NFKBIB: variants seen among roughly 807,000 people sequenced by gnomAD.
The protein encoded by NFKBIB is NF-kappa-B inhibitor beta.
NFKBIB carries 16 observed loss-of-function variants against 32.1 expected under a neutral mutation model. That is an observed-to-expected ratio of 0.50 (90% CI 0.34 to 0.76). The LOEUF (loss-of-function observed/expected upper bound fraction) is 0.76. NFKBIB is among the 30% of genes least tolerant of loss of function. The pLI is 0.01. For synonymous variants in NFKBIB, 222 were observed against 219.5 expected, an observed-to-expected ratio of 1.01 and a Z score of -0.10; for missense variants, 437 against 514.9, an observed-to-expected ratio of 0.85 and a Z score of 1.46.
In NFKBIB at chr19:38,905,053, T is replaced by C; in HGVS notation, c.218T>C (p.Phe73Ser). ...HLAVIHQHEPFLDFLLGFSAG... is the reference protein window; with the variant it reads ...HLAVIHQHEPSLDFLLGFSAG... Reference sequence around the variant, plus strand: ...GCTGTGATTCATCAGCATGAACCCTTCCTGGATTTTCTTCTAGGCTTCTCG... The same window carrying C: ...GCTGTGATTCATCAGCATGAACCCTCCCTGGATTTTCTTCTAGGCTTCTCG... The change falls in exon 2 of 6, where the codon TTC (phenylalanine) becomes TCC (serine). Residue 73 changes from phenylalanine (F) to serine (S), a missense_variant. Physicochemically the swap from Phe to Ser is radical, Grantham distance 155. Coordinates refer to ENST00000313582, the MANE Select transcript of NFKBIB (RefSeq NM_002503.5). The surrounding 1 kb of genome is among the most constrained non-coding windows in gnomAD (Gnocchi z 5.5). The C allele has an allele frequency of 6.2e-7, 1 of 1,614,110 alleles. No individual in the cohort carries two copies. The highest frequency in any genetic ancestry group is 1.7e-5 in the Admixed American group (1 of 60,010).
chr19:38,900,012 G>T lies in NFKBIB; in HGVS notation c.-21G>T, dbSNP rs1419972207. ...AGCTACAGGCGGGCGACTGCGGGGG[G>T]CCCCTGAGGCGGCGGGGGCCATGGC... On this transcript the variant is annotated 5_prime_UTR_variant, in exon 1 of 6. Coordinates refer to ENST00000313582, the MANE Select transcript of NFKBIB (RefSeq NM_002503.5). 9.7e-6 allele frequency: 14 copies of T among 1,448,084 alleles called. No individual in the cohort carries two copies. The highest frequency in any genetic ancestry group is 1.2e-5 in the Non-Finnish European group (13 of 1,103,592). The allele number at this position is 1,448,084 out of a possible 1,614,324, so 89.7% of individuals were successfully genotyped here. A position where few individuals can be genotyped will look rare whatever the true frequency, so the allele number is the denominator to read the frequency against.
intron 5 of NFKBIB, chr19:38,908,263 A>G (rs1023612937): frequency 8.7e-5 from 86 of 992,324 alleles, no homozygotes; most frequent in Non-Finnish European, 1.0e-4. Flanking sequence ...AGTTCTGGCC[A>G]GGTGCGGTGG....
chr19:38,900,041 G>A lies in NFKBIB; in HGVS notation c.9G>A (p.Gly3=), dbSNP rs1437795802. The A allele has an allele frequency of 2.0e-6, 3 of 1,483,722 alleles. No individual in the cohort carries two copies. The highest frequency in any genetic ancestry group is 2.7e-6 in the Non-Finnish European group (3 of 1,118,800). 91.9% of individuals were successfully genotyped at this position (1,483,722 alleles called of 1,614,324 possible). A position where few individuals can be genotyped will look rare whatever the true frequency, so the allele number is the denominator to read the frequency against. The change falls in exon 1 of 6, where the codon GGG becomes GGA. Residue 3 remains glycine, a synonymous_variant. Transcript: ENST00000313582. The part of the protein sequence containing the change: MA[G]VACLGKAADA... The stretch of plus-strand genomic sequence containing the variant: ...CTGAGGCGGCGGGGGCCATGGCTGG[G>A]GTCGCGTGCTTGGGAAAAGCTGCCG...
intron 1 of NFKBIB, among the ~76,000 whole-genome samples, chr19:38,900,804 C>T (rs1274751184): frequency 6.6e-6 from 1 of 152,184 alleles, no homozygotes; most frequent in Non-Finnish European, 1.5e-5. Context: ...TTCCAGGCTC[C>T]GTTTAGGTGC....
At chr19:38,899,737 T>G, upstream of NFKBIB, 1 of 752,090 alleles carries the variant, frequency 1.3e-6, no homozygotes, top group Non-Finnish European at 2.2e-6. Context: ...GCGCCCCAGT[T>G]AGGTAAGAAA....
At chr19:38,907,030 T>TGCTCAGAAA (rs1974148441) in intron 3 of NFKBIB, among the ~76,000 whole-genome samples, 191 bp from the exon 4 acceptor site, 1 of 152,198 alleles carries the variant, frequency 6.6e-6, no homozygotes, top group Non-Finnish European at 1.5e-5. Context: ...GCACTAGCAC[T>TGCTCAGAAA]TGCCAGCAAG....
chr19:38,901,086 T>G (rs1973942383), intron 1 of NFKBIB, among the ~76,000 whole-genome samples: 1 of 152,188 alleles, frequency 6.6e-6, no homozygotes, highest in African/African-American at 2.4e-5. Context: ...GAGAAGGAAC[T>G]GCAGTTGCAA....
chr19:38,908,743 G>C lies in NFKBIB; in HGVS notation c.982G>C (p.Asp328His). 2 of 1,613,272 alleles carry C rather than the reference G, an allele frequency of 1.2e-6. No homozygotes were observed. Among genetic ancestry groups the C allele is most frequent in the Non-Finnish European group, 1.7e-6 (2 of 1,179,742 alleles). ...DSGDEGDEYDDIVVHSSRSQT... is the reference protein window; with the variant it reads ...DSGDEGDEYDHIVVHSSRSQT... Reference sequence around the variant, plus strand: ...CCTTTGCCCCCAGGATGAATACGACGACATTGTGGTTCACAGCAGCCGCAG... The same window carrying C: ...CCTTTGCCCCCAGGATGAATACGACCACATTGTGGTTCACAGCAGCCGCAG... The change falls in exon 6 of 6, where the codon GAC (aspartate) becomes CAC (histidine). Residue 328 changes from aspartate to histidine, a missense_variant. By Grantham distance (81) the Asp-to-His change is moderately conservative (BLOSUM62 -1). Transcript: ENST00000313582.
At chr19:38,908,299 G>C (rs1974211735) in intron 5 of NFKBIB, 1 of 982,282 alleles carries the variant, frequency 1.0e-6, no homozygotes, top group Non-Finnish European at 1.2e-6. Context: ...CCAGCACTTT[G>C]GGAGGCCGAG....
chr19:38,900,907 A>G (rs4803006), intron 1 of NFKBIB, among the ~76,000 whole-genome samples: 93,437 of 151,974 alleles, frequency 0.61, 29,519 homozygotes, highest in East Asian at 0.96. Flanking sequence ...TGATAAGACC[A>G]CAAGGAAGGA....
intron 1 of NFKBIB, among the ~76,000 whole-genome samples, chr19:38,904,209 G>A (rs1365889522): frequency 6.6e-6 from 1 of 152,170 alleles, no homozygotes; most frequent in Non-Finnish European, 1.5e-5. Flanking sequence ...GGTGGGTGTT[G>A]AGCAGTGCCC....
chr19:38,908,554 A>G (rs890791298), intron 5 of NFKBIB, 177 bp from the exon 6 acceptor site: 23 of 1,314,942 alleles, frequency 1.7e-5, no homozygotes, highest in South Asian at 1.6e-4. Flanking sequence ...AAAAAAAAAA[A>G]AAAAGAAAGA....
Position 38,908,730 on chromosome 19 carries a change from G to C in NFKBIB, c.970-1G>C, listed in dbSNP as rs761635530. ...CTCTGCCTGGTCCCCTTTGCCCCCA[G>C]GATGAATACGACGACATTGTGGTTC... On this transcript the variant is annotated splice_acceptor_variant, in intron 5 of 5. Coordinates refer to ENST00000313582, the MANE Select transcript of NFKBIB (RefSeq NM_002503.5). LOFTEE classifies it high-confidence loss of function. 5.0e-6 allele frequency: 8 copies of C among 1,612,160 alleles called. No individual in the cohort carries two copies. Among genetic ancestry groups the C allele is most frequent in the Non-Finnish European group, 6.8e-6 (8 of 1,179,190 alleles).
chr19:38,900,004 T>A lies in NFKBIB; in HGVS notation c.-29T>A. Reference sequence around the variant, plus strand: ...CAAAGCCCAGCTACAGGCGGGCGACTGCGGGGGGCCCCTGAGGCGGCGGGG... The same window carrying A: ...CAAAGCCCAGCTACAGGCGGGCGACAGCGGGGGGCCCCTGAGGCGGCGGGG... On this transcript the variant is annotated 5_prime_UTR_variant, in exon 1 of 6. Transcript: ENST00000313582. 1 of 1,443,592 alleles carries A rather than the reference T, an allele frequency of 6.9e-7. No individual in the cohort carries two copies. The highest frequency in any genetic ancestry group is 9.1e-7 in the Non-Finnish European group (1 of 1,101,760). The allele number at this position is 1,443,592 out of a possible 1,614,324, so 89.4% of individuals were successfully genotyped here.
At position 38,907,583 on chromosome 19, in the gene NFKBIB, C is replaced by T. The variant is rs201461162; in HGVS notation, c.893C>T (p.Ala298Val). Residue 298 changes from alanine (A) to valine (V), a missense_variant, in exon 5 of 6, where the codon GCC (alanine) becomes GTC (valine). Ala to Val is a moderately conservative substitution (Grantham distance 64). Coordinates refer to ENST00000313582, the MANE Select transcript of NFKBIB (RefSeq NM_002503.5). ...ILARLLRAHG[A>V]PEPEGEDEKS... Reference sequence around the variant, plus strand: ...GCCCGCCTCCTCCGTGCACACGGAGCCCCTGAGCCCGAGGGCGAGGACGAG... The same window carrying T: ...GCCCGCCTCCTCCGTGCACACGGAGTCCCTGAGCCCGAGGGCGAGGACGAG... 1.9e-6 allele frequency: 3 copies of T among 1,612,402 alleles called. No homozygotes were observed. Among genetic ancestry groups the T allele is most frequent in the Non-Finnish European group, 2.5e-6 (3 of 1,179,618 alleles).
intron 1 of NFKBIB, among the ~76,000 whole-genome samples, 179 bp downstream of exon 1, chr19:38,900,390 T>C (rs1973910410): frequency 6.6e-6 from 1 of 152,236 alleles, no homozygotes; most frequent in Non-Finnish European, 1.5e-5. Context: ...TATCTAGCTA[T>C]GATCCTAACC....
chr19:38,907,639 A>G lies in NFKBIB; in HGVS notation c.949A>G (p.Ser317Gly). ...CGGCCCCTGCAGCAGCAGTAGCGACAGCGACAGCGGAGACGAGGGCGTGAG... is the reference window on the plus strand; with the variant it reads ...CGGCCCCTGCAGCAGCAGTAGCGACGGCGACAGCGGAGACGAGGGCGTGAG... ...KSGPCSSSSDSDSGDEGDEYD... is the reference protein window; with the variant it reads ...KSGPCSSSSDGDSGDEGDEYD... Residue 317 changes from serine to glycine, a missense_variant, in exon 5 of 6, where the codon AGC becomes GGC. Coordinates refer to ENST00000313582, the MANE Select transcript of NFKBIB (RefSeq NM_002503.5). 1 of 1,608,072 alleles carries G rather than the reference A, an allele frequency of 6.2e-7. No homozygotes were observed. The highest frequency in any genetic ancestry group is 8.5e-7 in the Non-Finnish European group (1 of 1,177,866).
chr19:38,908,060 C>T lies in NFKBIB; in HGVS notation c.969+401C>T, dbSNP rs1293563357. On this transcript the variant is annotated intron_variant, in intron 5 of 5. Coordinates refer to ENST00000313582, the MANE Select transcript of NFKBIB (RefSeq NM_002503.5). ...AGTGCTGGGGCAGGACCCGAGCCAG[C>T]GGTGGGGAGAGATATAGTCAGAGAA... The T allele has an allele frequency of 6.6e-6, 7 of 1,060,916 alleles. No homozygotes were observed. In the East Asian group the frequency reaches 2.4e-4, roughly 36 times the overall value. The allele number at this position is 1,060,916 out of a possible 1,614,324, so 65.7% of individuals were successfully genotyped here.
Position 38,907,635 on chromosome 19 carries a change from C to T in NFKBIB, c.945C>T (p.Ser315=), listed in dbSNP as rs774965794. The T allele has an allele frequency of 5.6e-6, 9 of 1,606,962 alleles. No homozygotes were observed. The highest frequency in any genetic ancestry group is 1.7e-5 in the Admixed American group (1 of 59,118). ...AATCCGGCCCCTGCAGCAGCAGTAG[C>T]GACAGCGACAGCGGAGACGAGGGCG... ...DEKSGPCSSS[S]DSDSGDEGDE... Residue 315 remains serine (S), a synonymous_variant, in exon 5 of 6, where the codon AGC becomes AGT. Transcript: ENST00000313582.
Sources: gnomAD v4.1 joint callset for allele counts (sites outside exome capture counted in the v4.1 genomes callset) on GRCh38, gnomAD v4.1.1 for gene constraint, Gnocchi (gnomAD v3.1) non-coding constraint, MANE v1.5 for transcripts, NCBI Gene and HGNC (gene_info 2026-07-23, HGNC 2026-07-21) for gene names.